The following CADM2 variants were observed in gnomAD, a reference collection of about 807,000 sequenced individuals.
The protein encoded by CADM2 is cell adhesion molecule 2.
CADM2 carries 12 observed loss-of-function variants against 49.8 expected under a neutral mutation model. That is an observed-to-expected ratio of 0.24 (90% confidence interval 0.15 to 0.39). The LOEUF is 0.39. CADM2 is among the 10% of genes least tolerant of loss of function. CADM2 has a pLI of 1.00. For missense variants in CADM2, 378 were observed against 492.3 expected (o/e 0.77, Z 2.20); for synonymous variants, 214 against 175.4 (o/e 1.22, Z -1.74).
chr3:85,679,285 A>C (rs2107652915), intron 1 of CADM2, among the ~76,000 whole-genome samples: 1 of 152,234 alleles, frequency 6.6e-6, no homozygotes, highest in East Asian at 1.9e-4. Context: ...CACAAGGCTA[A>C]GTATGCGCAG....
At chr3:85,515,365 A>T (rs187755761) in intron 1 of CADM2, among the ~76,000 whole-genome samples, 35 of 151,092 alleles carry the variant, frequency 2.3e-4, no homozygotes, top group Non-Finnish European at 3.2e-4. Context: ...AGATAACATC[A>T]TCATTAGATT....
chr3:85,782,151 T>C (rs1398238935), intron 2 of CADM2, among the ~76,000 whole-genome samples: 3 of 152,236 alleles, frequency 2.0e-5, no homozygotes, highest in African/African-American at 7.2e-5. Flanking sequence ...TATCAATTAT[T>C]ATACTATGTT....
intron 1 of CADM2, among the ~76,000 whole-genome samples, chr3:85,704,516 C>T (rs2107718062): frequency 6.6e-6 from 1 of 152,242 alleles, no homozygotes; most frequent in South Asian, 2.1e-4. Flanking sequence ...TGTATCATCA[C>T]ATGGCACAGA....
chr3:85,117,660 T>C (rs2038689439), intron 1 of CADM2, among the ~76,000 whole-genome samples: 1 of 152,166 alleles, frequency 6.6e-6, no homozygotes, highest in Admixed American at 6.6e-5. Context: ...TAAAAAACTG[T>C]TTACAGGGTG....
intron 1 of CADM2, among the ~76,000 whole-genome samples, chr3:85,581,639 C>T (rs991548300): frequency 1.3e-5 from 2 of 151,766 alleles, no homozygotes; most frequent in Non-Finnish European, 2.9e-5. Context: ...AACCCTGTAA[C>T]ACTTGAGAGC....
chr3:85,435,838 T>C (rs1243591878), intron 1 of CADM2, among the ~76,000 whole-genome samples: 1 of 152,142 alleles, frequency 6.6e-6, no homozygotes, highest in Non-Finnish European at 1.5e-5. Flanking sequence ...CCTGTTCGCT[T>C]CTCTTTTTCA....
chr3:85,857,840 G>A (rs892190827), intron 3 of CADM2, among the ~76,000 whole-genome samples: 19 of 152,158 alleles, frequency 1.2e-4, no homozygotes, highest in African/African-American at 4.6e-4. Flanking sequence ...CAGCAGTGCA[G>A]ATTAAAAAGA....
At chr3:85,247,512 G>C (rs2042677512) in intron 1 of CADM2, among the ~76,000 whole-genome samples, 1 of 151,956 alleles carries the variant, frequency 6.6e-6, no homozygotes, top group African/African-American at 2.4e-5. Flanking sequence ...TATTGCAAAA[G>C]GATTTGTCTT....
chr3:85,593,144 C>A (rs781040058), intron 1 of CADM2, among the ~76,000 whole-genome samples: 28 of 151,652 alleles, frequency 1.8e-4, no homozygotes, highest in Non-Finnish European at 4.4e-5. Context: ...ACATCCTGAT[C>A]TTAGATGCTT....
Position 85,293,740 on chromosome 3 carries a change from C to G in CADM2, c.61+334072C>G, listed in dbSNP as rs980797121. Among the ~76,000 whole-genome samples, 82 of 145,532 alleles carry G rather than the reference C, an allele frequency of 5.6e-4. 1 individual carries two copies. The highest frequency in any genetic ancestry group is 2.2e-4 in the South Asian group (1 of 4,500). ...AAAGCCTTTGACAAAATTCAGCAACCCTTCATGCTAAAAACTCTCAATAAA... is the reference window on the plus strand; with the variant it reads ...AAAGCCTTTGACAAAATTCAGCAACGCTTCATGCTAAAAACTCTCAATAAA... On this transcript the variant is annotated intron_variant, in intron 1 of 9. Coordinates refer to ENST00000383699, the MANE Select transcript of CADM2 (RefSeq NM_001167675.2).
intron 3 of CADM2, among the ~76,000 whole-genome samples, chr3:85,814,597 G>C (rs2073092615): frequency 6.6e-6 from 1 of 151,974 alleles, no homozygotes; most frequent in South Asian, 2.1e-4. Context: ...TTTTTGAAAT[G>C]ATCAACAAAA....
chr3:85,520,458 C>T (rs2061005366), intron 1 of CADM2, among the ~76,000 whole-genome samples: 1 of 151,872 alleles, frequency 6.6e-6, no homozygotes, highest in Non-Finnish European at 1.5e-5. Flanking sequence ...TTTATAACTA[C>T]TAAGAAGGAA....
At chr3:85,778,610 C>T (rs891982255) in intron 2 of CADM2, among the ~76,000 whole-genome samples, 1 of 152,064 alleles carries the variant, frequency 6.6e-6, no homozygotes, top group African/African-American at 2.4e-5. Flanking sequence ...TTCCTGAGGC[C>T]TCTCAACCAT....
At chr3:84,988,566 A>G (rs1421965879) in intron 1 of CADM2, among the ~76,000 whole-genome samples, 1 of 152,182 alleles carries the variant, frequency 6.6e-6, no homozygotes, top group Non-Finnish European at 1.5e-5. Context: ...AGGATCACAC[A>G]ATATCATTAT....
chr3:85,881,263 T>C (rs1195392505), intron 3 of CADM2, among the ~76,000 whole-genome samples: 1 of 152,108 alleles, frequency 6.6e-6, no homozygotes, highest in Non-Finnish European at 1.5e-5. Flanking sequence ...ACATTTTTCA[T>C]GCTAAGGTTT....
chr3:85,799,330 G>T (rs956104891), intron 2 of CADM2, among the ~76,000 whole-genome samples: 6 of 152,124 alleles, frequency 3.9e-5, no homozygotes, highest in African/African-American at 7.2e-5. Context: ...GGTGAGAGAG[G>T]GCATCCTTGT....
chr3:85,672,408 G>A (rs141020447), intron 1 of CADM2, among the ~76,000 whole-genome samples: 2 of 151,820 alleles, frequency 1.3e-5, no homozygotes. Context: ...TAACCGGGAT[G>A]GTCTTGATCT....
chr3:85,235,790 GT>G (rs2042394893), intron 1 of CADM2, among the ~76,000 whole-genome samples: 1 of 152,006 alleles, frequency 6.6e-6, no homozygotes, highest in African/African-American at 2.4e-5. Flanking sequence ...TTTTACCTCT[GT>G]AATGCTTTCT....
In CADM2 at chr3:86,055,480, G is replaced by GTTT. The variant is rs1737837429; in HGVS notation, c.971-10125_971-10124insTTT. On this transcript the variant is annotated intron_variant, in intron 8 of 9. Transcript: ENST00000383699. ...TTTTTTTTTTTTTTTTTTTTTTTTT[G>GTTT]GTTTTAGAGGGATTCTTGCTCTGTC... Among the ~76,000 whole-genome samples the GTTT allele has an allele frequency of 3.6e-4, 17 of 47,114 alleles. 1 individual carries two copies. The highest frequency in any genetic ancestry group is 1.5e-3 in the African/African-American group (17 of 11,542). The allele number at this position is 47,114 out of a possible 152,430, so 30.9% of individuals were successfully genotyped here. A position where few individuals can be genotyped will look rare whatever the true frequency, so the allele number is the denominator to read the frequency against.
Sources: gnomAD v4.1 joint callset for allele counts (sites outside exome capture counted in the v4.1 genomes callset) on GRCh38, gnomAD v4.1.1 for gene constraint, MANE v1.5 for transcripts, NCBI Gene and HGNC (gene_info 2026-07-23, HGNC 2026-07-21) for gene names.